The following DAZL variants were observed in gnomAD, a reference collection of about 807,000 sequenced individuals.
DAZL encodes deleted in azoospermia-like.
Under a neutral mutation model 45.0 loss-of-function variants are expected in DAZL, and 4 were observed. The observed-to-expected ratio is 0.09, with a 90% CI of 0.04 to 0.20. The LOEUF (loss-of-function observed/expected upper bound fraction) is 0.20. Ranked by LOEUF, DAZL falls within the 10% of genes least tolerant of loss-of-function variation. The pLI is 1.00. For synonymous variants in DAZL, 122 were observed against 112.4 expected, an observed-to-expected ratio of 1.09 and a Z score of -0.54; for missense variants, 326 against 351.3, an observed-to-expected ratio of 0.93 and a Z score of 0.58.
chr3:16,598,648 T>C (rs996614904), intron 1 of DAZL, 50 bp from the exon 2 acceptor site: 1 of 1,537,686 alleles, frequency 6.5e-7, no homozygotes, highest in South Asian at 1.2e-5. Context: ...GAAAAACCTA[T>C]ACATAATGTG....
chr3:16,597,103 C>A (rs1288648370), intron 4 of DAZL, 52 bp from the exon 5 acceptor site: 5 of 1,550,200 alleles, frequency 3.2e-6, no homozygotes, highest in Non-Finnish European at 4.4e-6. Context: ...TCTTTACTTC[C>A]AAGACTTGGA....
At position 16,592,069 on chromosome 3, in the gene DAZL, G is replaced by A. The variant is rs1462539718; in HGVS notation, c.815C>T (p.Thr272Ile). The change falls in exon 10 of 11, where the codon ACT (threonine) becomes ATT (isoleucine). Residue 272 changes from threonine (T) to isoleucine (I), a missense_variant. By Grantham distance (89) the Thr-to-Ile change is moderately conservative. This residue lies in a region of DAZL where 227 missense variants were observed against 216.6 expected (regional missense o/e 1.05). Transcript: ENST00000399444. ...TCATACCTTGAAGTAGTCATCTTGA[G>A]TAACAACAGAGTTTCTCAGTCTGTT... ...PENRLRNSVV[T>I]QDDYFKDKRV... 11 of 1,613,510 alleles carry A rather than the reference G, an allele frequency of 6.8e-6. No homozygotes were observed. The highest frequency in any genetic ancestry group is 9.3e-6 in the Non-Finnish European group (11 of 1,179,544).
chr3:16,596,879 A>G lies in DAZL; in HGVS notation c.369T>C (p.His123=). 2.5e-6 allele frequency: 4 copies of G among 1,613,852 alleles called. No individual in the cohort carries two copies. The highest frequency in any genetic ancestry group is 3.4e-6 in the Non-Finnish European group (4 of 1,179,748). Residue 123 remains histidine, a synonymous_variant, in exon 6 of 11, where the codon CAT becomes CAC. Coordinates refer to ENST00000399444, the MANE Select transcript of DAZL (RefSeq NM_001351.4). ...TAAAAACCAAAGGACGTGGCTGCACATGATAAGCACCTTTTTGAAAAGCAA... is the reference window on the plus strand; with the variant it reads ...TAAAAACCAAAGGACGTGGCTGCACGTGATAAGCACCTTTTTGAAAAGCAA... The part of the protein sequence containing the change: ...AIRKQNLCAY[H]VQPRPLVFNH...
intron 1 of DAZL, 86 bp from the exon 2 acceptor site, chr3:16,598,684 T>C: frequency 7.5e-7 from 1 of 1,336,568 alleles, no homozygotes; most frequent in Non-Finnish European, 9.8e-7. Flanking sequence ...ATTTTAAGTA[T>C]AAAATATTTT....
rs1694471731 is a variant in DAZL at position 16,588,492 on chromosome 3, C to T, written c.*168G>A. The T allele has an allele frequency of 1.7e-6, 1 of 590,168 alleles. No homozygotes were observed. Among genetic ancestry groups the T allele is most frequent in the Non-Finnish European group, 3.1e-6 (1 of 317,674 alleles). The allele number at this position is 590,168 out of a possible 1,614,324, so 36.6% of individuals were successfully genotyped here. A position where few individuals can be genotyped will look rare whatever the true frequency, so the allele number is the denominator to read the frequency against. On this transcript the variant is annotated 3_prime_UTR_variant, in exon 11 of 11. Coordinates refer to ENST00000399444, the MANE Select transcript of DAZL (RefSeq NM_001351.4). The stretch of plus-strand genomic sequence containing the variant: ...AACACAGAACCAGTTTCTAAATAAA[C>T]ATCTAATGAAGAACAGTTTAAGATA...
intron 10 of DAZL, among the ~76,000 whole-genome samples, chr3:16,588,932 A>T (rs1694478701): frequency 2.0e-5 from 3 of 152,148 alleles, no homozygotes; most frequent in Admixed American, 2.0e-4. Context: ...AAAAGAAATC[A>T]ATTAAAAAAA....
In DAZL at chr3:16,597,342, T is replaced by C; in HGVS notation, c.294+148A>G. On this transcript the variant is annotated intron_variant, in intron 4 of 10. Transcript: ENST00000399444. ...TGCCCAGTCAAAAATAAACAGGTTCTAACAAGTTATGTAAGATTCCTCTAA... is the reference window on the plus strand; with the variant it reads ...TGCCCAGTCAAAAATAAACAGGTTCCAACAAGTTATGTAAGATTCCTCTAA... 4.1e-6 allele frequency: 3 copies of C among 731,418 alleles called. No individual in the cohort carries two copies. The South Asian group carries it at 5.1e-5, about 13-fold the overall frequency. 45.3% of individuals were successfully genotyped at this position (731,418 alleles called of 1,614,324 possible). A position where few individuals can be genotyped will look rare whatever the true frequency, so the allele number is the denominator to read the frequency against.
rs1458887782 is a variant in DAZL at position 16,596,290 on chromosome 3, G to A, written c.498+460C>T. 2.0e-5 allele frequency among the ~76,000 whole-genome samples: 3 copies of A among 151,894 alleles called. No individual in the cohort carries two copies. The East Asian group carries it at 5.8e-4, about 29-fold the overall frequency. The stretch of plus-strand genomic sequence containing the variant: ...AGAAATTATATGCCAGAAACTCACA[G>A]GATTTACATAGTAAAACACATCAGA... On this transcript the variant is annotated intron_variant, in intron 6 of 10. Transcript: ENST00000399444.
intron 1 of DAZL, chr3:16,604,815 T>A (rs924290557): frequency 1.3e-6 from 1 of 784,710 alleles, no homozygotes; most frequent in African/African-American, 2.2e-5. Context: ...GGCGCGTGAG[T>A]GGGGGAGCGC....
Position 16,599,911 on chromosome 3 carries a change from A to G in DAZL, c.4-1313T>C, listed in dbSNP as rs140249244. Among the ~76,000 whole-genome samples, 10 of 152,324 alleles carry G rather than the reference A, an allele frequency of 6.6e-5. No individual in the cohort carries two copies. In the East Asian group the frequency reaches 1.9e-3, roughly 29 times the overall value. On this transcript the variant is annotated intron_variant, in intron 1 of 10. Coordinates refer to ENST00000399444, the MANE Select transcript of DAZL (RefSeq NM_001351.4). ...CTGGGCAAACTGCTTTGAGAAGGAA[A>G]TGAGATAACATCTGTGAATTCATTT...
At position 16,604,967 on chromosome 3, in the gene DAZL, G is replaced by A. The variant is rs528895761; in HGVS notation, c.3+236C>T. Among the ~76,000 whole-genome samples, 221 of 152,318 alleles carry A rather than the reference G, an allele frequency of 1.5e-3. 1 individual carries two copies. The highest frequency in any genetic ancestry group is 6.8e-3 in the Middle Eastern group (2 of 294). ...GTGGCCGGCGAGGCAGCGCGTCCTC[G>A]GGGCCCACCCCCACCTTGCCGCCCT... On this transcript the variant is annotated intron_variant, in intron 1 of 10. Transcript: ENST00000399444.
At chr3:16,597,589 T>C in intron 3 of DAZL, 48 bp from the exon 4 acceptor site, 1 of 1,169,830 alleles carries the variant, frequency 8.5e-7, no homozygotes, top group Non-Finnish European at 1.3e-6. Flanking sequence ...ATACAGTACA[T>C]GGTTCAGAAC....
At chr3:16,590,450 G>C (rs1462601194) in intron 10 of DAZL, among the ~76,000 whole-genome samples, 4 of 152,092 alleles carry the variant, frequency 2.6e-5, no homozygotes, top group Non-Finnish European at 5.9e-5. Flanking sequence ...ATTTCCTTTT[G>C]AATGTAAAGT....
At chr3:16,591,934 G>A in intron 10 of DAZL, 116 bp downstream of exon 10, 1 of 1,228,038 alleles carries the variant, frequency 8.1e-7, no homozygotes, top group Non-Finnish European at 1.2e-6. Flanking sequence ...ATAGTCAAAT[G>A]CCAACAGTTA....
chr3:16,597,384 C>T, intron 4 of DAZL, 106 bp downstream of exon 4: 2 of 870,810 alleles, frequency 2.3e-6, no homozygotes, highest in Middle Eastern at 2.3e-4. Context: ...ATTTTTTTGA[C>T]CAGAAAGTGT....
At chr3:16,591,798 C>T (rs925917008) in intron 10 of DAZL, among the ~76,000 whole-genome samples, 6 of 152,200 alleles carry the variant, frequency 3.9e-5, no homozygotes, top group African/African-American at 1.2e-4. Flanking sequence ...ACTAACTCTT[C>T]TCTAGTTAAC....
chr3:16,594,764 T>C (rs1237234928), intron 7 of DAZL, among the ~76,000 whole-genome samples, 181 bp from the exon 8 acceptor site: 3 of 152,062 alleles, frequency 2.0e-5, no homozygotes, highest in East Asian at 1.9e-4. Context: ...GTTACTTCCA[T>C]ATATAAAACC....
chr3:16,598,607 T>G lies in DAZL; in HGVS notation c.4-9A>C. On this transcript the variant is annotated splice_polypyrimidine_tract_variant and intron_variant, in intron 1 of 10. Coordinates refer to ENST00000399444, the MANE Select transcript of DAZL (RefSeq NM_001351.4). ...TCAGGATTTGCAGTAGACTGTAATT[T>G]GGAAAGTAGACATCATAATTAGATA... 1.3e-6 allele frequency: 2 copies of G among 1,592,016 alleles called. No individual in the cohort carries two copies. The highest frequency in any genetic ancestry group is 2.2e-5 in the South Asian group (2 of 91,010).
At position 16,594,586 on chromosome 3, in the gene DAZL, T is replaced by TAAAAAA; in HGVS notation, c.571-9_571-4dup. On this transcript the variant is annotated splice_region_variant and splice_polypyrimidine_tract_variant and intron_variant, in intron 7 of 10. Coordinates refer to ENST00000399444, the MANE Select transcript of DAZL (RefSeq NM_001351.4). ...CCAACAGGCCACTGTGGTGGCATCT[T>TAAAAAA]AAAAAAAAAAAAAAGGAAACCAAAA... The TAAAAAA allele has an allele frequency of 7.3e-7, 1 of 1,378,470 alleles. No individual in the cohort carries two copies. The highest frequency in any genetic ancestry group is 9.7e-7 in the Non-Finnish European group (1 of 1,025,664). The allele number at this position is 1,378,470 out of a possible 1,614,324, so 85.4% of individuals were successfully genotyped here. A position where few individuals can be genotyped will look rare whatever the true frequency, so the allele number is the denominator to read the frequency against.
Sources: allele counts gnomAD v4.1 joint callset (sites outside exome capture counted in the v4.1 genomes callset), GRCh38; gene constraint gnomAD v4.1.1; regional missense constraint gnomAD v4.1.1; transcripts MANE v1.5; gene names NCBI Gene and HGNC (gene_info 2026-07-23, HGNC 2026-07-21).